The following RNLS variants were observed in gnomAD, a reference collection of about 807,000 sequenced individuals.
RNLS encodes the protein renalase.
In RNLS, 39 loss-of-function variants were observed where a neutral mutation model predicts 39.8. The ratio of observed to expected loss-of-function variants is 0.98; its 90% confidence interval spans 0.76 to 1.28. The LOEUF is 1.28. Among genes scored for constraint, RNLS ranks in the 50% most tolerant of loss-of-function variants. The probability of loss-of-function intolerance (pLI) is 0.00; values close to 1 mark genes in which losing one functional copy is unlikely to be tolerated. For synonymous variants in RNLS, 147 were observed against 150.7 expected, an observed-to-expected ratio of 0.98 and a Z score of 0.18; for missense variants, 410 against 413.3, an observed-to-expected ratio of 0.99 and a Z score of 0.07.
At chr10:88,205,050 A>T in the RNLS span, among the ~76,000 whole-genome samples, 1 of 152,248 alleles carries the variant, frequency 6.6e-6, no homozygotes, top group South Asian at 2.1e-4. Context: ...GCGCAGTTGA[A>T]TTCTCACGGC....
intron 4 of RNLS, among the ~76,000 whole-genome samples, chr10:88,469,561 A>T (rs1049954790): frequency 3.9e-5 from 6 of 152,338 alleles, no homozygotes; most frequent in Admixed American, 1.3e-4. Flanking sequence ...AATTAAAGAA[A>T]TACTGAATTA....
At chr10:88,303,048 C>T (rs1057373302) in intron 6 of RNLS, among the ~76,000 whole-genome samples, 2 of 152,200 alleles carry the variant, frequency 1.3e-5, no homozygotes, top group South Asian at 2.1e-4. Context: ...GGGGCTACTG[C>T]ACACCTGGAC....
At chr10:88,249,501 G>T in the RNLS span, among the ~76,000 whole-genome samples, 4 of 152,194 alleles carry the variant, frequency 2.6e-5, no homozygotes, top group Non-Finnish European at 5.9e-5. Context: ...AGCCAAGATG[G>T]TTTATCTCTT....
intron 4 of RNLS, among the ~76,000 whole-genome samples, chr10:88,483,613 A>G (rs560289506): frequency 2.8e-4 from 42 of 152,182 alleles, no homozygotes; most frequent in African/African-American, 9.4e-4. Flanking sequence ...ACTCTTAATT[A>G]TTTCTTCTAT....
At chr10:88,428,959 T>C (rs1854980308) in intron 4 of RNLS, among the ~76,000 whole-genome samples, 1 of 151,892 alleles carries the variant, frequency 6.6e-6, no homozygotes, top group Non-Finnish European at 1.5e-5. Flanking sequence ...CAAACATGGA[T>C]GGTAGCCATG....
rs147778402 is a variant in RNLS, at chr10:88,533,696, A to G, written c.526+39207T>C. Among the ~76,000 whole-genome samples, 448 of 152,208 alleles carry G rather than the reference A, an allele frequency of 2.9e-3. 2 individuals are homozygous for G. Among genetic ancestry groups the G allele is most frequent in the Middle Eastern group, 0.027 (8 of 294 alleles). ...AGAAGTGCAGGCAAGAGGTAAGGGA[A>G]GCAGGGGATTCTGACAGACAGAATG... On this transcript the variant is annotated intron_variant, in intron 4 of 6. Coordinates refer to ENST00000331772, the MANE Select transcript of RNLS (RefSeq NM_001031709.3).
At chr10:88,325,971 G>A (rs1846572630) in intron 5 of RNLS, among the ~76,000 whole-genome samples, 1 of 152,148 alleles carries the variant, frequency 6.6e-6, no homozygotes, top group South Asian at 2.1e-4. Flanking sequence ...GCCGCCATGT[G>A]AGAAGGCCCA....
intron 4 of RNLS, among the ~76,000 whole-genome samples, chr10:88,452,693 T>C (rs1277749428): frequency 6.6e-6 from 1 of 152,054 alleles, no homozygotes; most frequent in African/African-American, 2.4e-5. Context: ...TCTCAAGCTA[T>C]GGCTACCACC....
At chr10:88,271,890 C>T (rs199944070), downstream of RNLS, among the ~76,000 whole-genome samples, 1 of 152,234 alleles carries the variant, frequency 6.6e-6, no homozygotes, top group East Asian at 1.9e-4. Context: ...GCGGCTCTAA[C>T]TCTGCCACGA....
chr10:88,340,719 CTATT>C (rs1261286587), intron 5 of RNLS, among the ~76,000 whole-genome samples: 2 of 152,016 alleles, frequency 1.3e-5, no homozygotes, highest in African/African-American at 2.4e-5. Flanking sequence ...GGAATTCTAA[CTATT>C]TATTATTATG....
chr10:88,196,733 T>C, the RNLS span, among the ~76,000 whole-genome samples: 3 of 152,220 alleles, frequency 2.0e-5, no homozygotes, highest in Non-Finnish European at 4.4e-5. Context: ...GACGAGACAA[T>C]GCCCGGGTGA....
chr10:88,390,644 G>C (rs747266162), intron 4 of RNLS, among the ~76,000 whole-genome samples: 1 of 152,142 alleles, frequency 6.6e-6, no homozygotes, highest in Non-Finnish European at 1.5e-5. Flanking sequence ...ACAACTAACA[G>C]CTGGCTCTTC....
At chr10:88,209,399 C>G in the RNLS span, among the ~76,000 whole-genome samples, 2 of 152,108 alleles carry the variant, frequency 1.3e-5, no homozygotes, top group African/African-American at 2.4e-5. Flanking sequence ...AGGGACAACA[C>G]CATGTGATGA....
chr10:88,273,940 C>T (rs1021708878), exon 7 of RNLS: 3 of 152,160 alleles, frequency 2.0e-5, no homozygotes, highest in African/African-American at 7.2e-5. Flanking sequence ...TATAAACACA[C>T]ATACATAAAC....
chr10:88,427,886 T>C (rs1380222125), intron 4 of RNLS, among the ~76,000 whole-genome samples: 2 of 151,944 alleles, frequency 1.3e-5, no homozygotes, highest in African/African-American at 4.8e-5. Context: ...GTTAAGTAAG[T>C]TCCTCCCAGT....
At chr10:88,259,281 A>G in the RNLS span, 3 of 152,186 alleles carry the variant, frequency 2.0e-5, no homozygotes, top group African/African-American at 7.2e-5. Flanking sequence ...TGCAATCCCA[A>G]TCTCCAACTT....
chr10:88,433,906 C>T (rs1855290707), intron 4 of RNLS, among the ~76,000 whole-genome samples: 1 of 152,054 alleles, frequency 6.6e-6, no homozygotes, highest in African/African-American at 2.4e-5. Flanking sequence ...TATTTTATCT[C>T]TGGTTGATAG....
intron 4 of RNLS, among the ~76,000 whole-genome samples, chr10:88,482,922 C>T (rs1163827521): frequency 6.6e-6 from 1 of 151,828 alleles, no homozygotes; most frequent in Non-Finnish European, 1.5e-5. Context: ...CCTTCCCTTC[C>T]TTCCTTCCCT....
At chr10:88,266,402 C>T in the RNLS span, among the ~76,000 whole-genome samples, 2 of 152,242 alleles carry the variant, frequency 1.3e-5, no homozygotes, top group South Asian at 4.1e-4. Flanking sequence ...GGAGGCTGCT[C>T]CTAAAATAAC....
Sources: gnomAD v4.1 joint callset for allele counts (sites outside exome capture counted in the v4.1 genomes callset) on GRCh38, gnomAD v4.1.1 for gene constraint, MANE v1.5 for transcripts, NCBI Gene and HGNC (gene_info 2026-07-23, HGNC 2026-07-21) for gene names.